Variants in RAP1GAP observed in about 807,000 individuals in gnomAD.
The protein encoded by RAP1GAP is RAP1 GTPase activating protein, also known as rap1 GTPase-activating protein 1.
Under a neutral mutation model 87.2 loss-of-function variants are expected in RAP1GAP, and 35 were observed. That is an observed-to-expected ratio of 0.40 (90% confidence interval 0.31 to 0.53). RAP1GAP has a LOEUF of 0.53. Ranked by LOEUF, RAP1GAP falls within the 20% of genes least tolerant of loss-of-function variation. The pLI is 0.48. For missense variants in RAP1GAP, 734 were observed against 898.9 expected (o/e 0.82, Z 2.35); for synonymous variants, 375 against 363.9 (o/e 1.03, Z -0.35).
At chr1:21,616,368 AC>A (rs2082178236) in intron 7 of RAP1GAP, among the ~76,000 whole-genome samples, 1 of 152,240 alleles carries the variant, frequency 6.6e-6, no homozygotes, top group Admixed American at 6.5e-5. Flanking sequence ...AATTATGAAG[AC>A]ATGAAAACAG....
At chr1:21,656,789 G>C (rs2096885543) in intron 1 of RAP1GAP, among the ~76,000 whole-genome samples, 1 of 152,198 alleles carries the variant, frequency 6.6e-6, no homozygotes, top group Non-Finnish European at 1.5e-5. Flanking sequence ...AATCTGGCCT[G>C]GCCAGAATAC....
Position 21,609,564 on chromosome 1 carries a change from G to A in RAP1GAP, c.1071+11C>T, listed in dbSNP as rs762373049. On this transcript the variant is annotated intron_variant, in intron 15 of 24. Coordinates refer to ENST00000374765, the MANE Select transcript of RAP1GAP (RefSeq NM_002885.4). This position sits in a 1 kb window ranked among gnomAD's most constrained non-coding sequence, Gnocchi z 4.4. ...TCCTGCTCTGCCCATGACTGGGGGG[G>A]TGCCCCTCACCTTCCTGAACACAGC... is the stretch of plus-strand genomic sequence containing the variant. 10 of 1,493,564 alleles carry A rather than the reference G, an allele frequency of 6.7e-6. No individual in the cohort carries two copies. The highest frequency in any genetic ancestry group is 1.4e-5 in the South Asian group (1 of 73,566). 92.5% of individuals were successfully genotyped at this position (1,493,564 alleles called of 1,614,324 possible). A position where few individuals can be genotyped will look rare whatever the true frequency, so the allele number is the denominator to read the frequency against.
chr1:21,626,060 T>C (rs1435362416), intron 3 of RAP1GAP, among the ~76,000 whole-genome samples: 1 of 152,122 alleles, frequency 6.6e-6, no homozygotes, highest in Non-Finnish European at 1.5e-5. Flanking sequence ...TTCCCAGCTG[T>C]TTTGCTTAGA....
At chr1:21,661,954 AC>A (rs2097168862) in intron 1 of RAP1GAP, among the ~76,000 whole-genome samples, 1 of 152,130 alleles carries the variant, frequency 6.6e-6, no homozygotes, top group Non-Finnish European at 1.5e-5. Context: ...AGCTCTGCCC[AC>A]CAGTCTGTCT....
Position 21,634,077 on chromosome 1 carries a change from C to G in RAP1GAP, c.-112-7680G>C, listed in dbSNP as rs2094305057. Among the ~76,000 whole-genome samples the G allele has an allele frequency of 6.8e-6, 1 of 146,182 alleles. No individual in the cohort carries two copies. Among genetic ancestry groups the G allele is most frequent in the African/African-American group, 2.6e-5 (1 of 38,292 alleles). On this transcript the variant is annotated intron_variant, in intron 2 of 24. Transcript: ENST00000374765. This position sits in a 1 kb window ranked among gnomAD's most constrained non-coding sequence, Gnocchi z 4.1. Reference sequence around the variant, plus strand: ...CCCTCCCGGGGGGGGGGGGGGGCCACAGAAGCCCATTGTTTTCTGAGCTCA... The same window carrying G: ...CCCTCCCGGGGGGGGGGGGGGGCCAGAGAAGCCCATTGTTTTCTGAGCTCA...
At chr1:21,611,964 A>T in intron 11 of RAP1GAP, 62 bp downstream of exon 11, 1 of 1,481,758 alleles carries the variant, frequency 6.7e-7, no homozygotes, top group Non-Finnish European at 9.3e-7. Context: ...GCCCTGGAAA[A>T]GGTGTGAGGC....
intron 3 of RAP1GAP, 78 bp from the exon 4 acceptor site, chr1:21,620,128 C>T (rs914601416): frequency 4.2e-5 from 63 of 1,508,960 alleles, no homozygotes; most frequent in Non-Finnish European, 5.4e-5. Flanking sequence ...CCCGGCCCTC[C>T]GGGTCCCACC....
chr1:21,660,537 T>C (rs1389893562), intron 1 of RAP1GAP, among the ~76,000 whole-genome samples: 5 of 151,410 alleles, frequency 3.3e-5, no homozygotes, highest in Non-Finnish European at 2.9e-5. Flanking sequence ...TTTCACCATT[T>C]TGGCCAGGCT....
chr1:21,669,355 T>A lies in RAP1GAP; in HGVS notation c.-250A>T. 2 of 1,060,448 alleles carry A rather than the reference T, an allele frequency of 1.9e-6. No homozygotes were observed. The highest frequency in any genetic ancestry group is 2.3e-6 in the Non-Finnish European group (2 of 874,454). 65.7% of individuals were successfully genotyped at this position (1,060,448 alleles called of 1,614,324 possible). ...CGGCCGGCGCTCGCCGCCGCCGCAG[T>A]TCGGGGAGGGGGACGTCACATGACC... On this transcript the variant is annotated 5_prime_UTR_variant, in exon 1 of 25. Transcript: ENST00000374765. The surrounding 1 kb of genome is among the most constrained non-coding windows in gnomAD (Gnocchi z 5.6).
intron 2 of RAP1GAP, among the ~76,000 whole-genome samples, chr1:21,647,013 ACCT>A (rs2096118396): frequency 6.6e-6 from 1 of 151,856 alleles, no homozygotes; most frequent in Non-Finnish European, 1.5e-5. Context: ...GGGGAAAATC[ACCT>A]CCTCTAGGAA....
chr1:21,620,729 G>A (rs533101817), intron 3 of RAP1GAP, among the ~76,000 whole-genome samples: 2 of 152,266 alleles, frequency 1.3e-5, no homozygotes, highest in East Asian at 3.9e-4. Flanking sequence ...CCGGCTCGGG[G>A]CTGGGCCTGG....
At chr1:21,664,795 G>T (rs529681718) in intron 1 of RAP1GAP, among the ~76,000 whole-genome samples, 1 of 152,034 alleles carries the variant, frequency 6.6e-6, no homozygotes, top group Admixed American at 6.6e-5. Flanking sequence ...TTTTAGAAAA[G>T]ATTTTTCTCC....
Position 21,650,275 on chromosome 1 carries a change from C to T in RAP1GAP, c.-148-479G>A, listed in dbSNP as rs998421337. Among the ~76,000 whole-genome samples the T allele has an allele frequency of 2.0e-5, 3 of 152,272 alleles. No homozygotes were observed. The East Asian group carries it at 5.8e-4, about 29-fold the overall frequency. ...CTGAAGCTGTTCACTCATATCCACC[C>T]AGGAAGCAAATGTCTGCGAATCTGG... On this transcript the variant is annotated intron_variant, in intron 1 of 24. Coordinates refer to ENST00000374765, the MANE Select transcript of RAP1GAP (RefSeq NM_002885.4).
chr1:21,636,888 AGAAG>A (rs1277998073), intron 2 of RAP1GAP, among the ~76,000 whole-genome samples: 15 of 134,478 alleles, frequency 1.1e-4, no homozygotes, highest in African/African-American at 2.5e-4. Context: ...AAGGAAGGAA[AGAAG>A]GAAGGAAGGA....
intron 2 of RAP1GAP, among the ~76,000 whole-genome samples, chr1:21,649,143 T>C (rs960771109): frequency 3.9e-5 from 6 of 152,110 alleles, no homozygotes; most frequent in Non-Finnish European, 8.8e-5. Context: ...TATCCCGAGG[T>C]GAGGCTGCAC....
chr1:21,598,053 A>G lies in RAP1GAP; in HGVS notation c.1891T>C (p.Ser631Pro). The G allele has an allele frequency of 6.5e-7, 1 of 1,549,966 alleles. No homozygotes were observed. The highest frequency in any genetic ancestry group is 1.2e-5 in the South Asian group (1 of 85,076). Residue 631 changes from serine to proline, a missense_variant, in exon 23 of 25, where the codon TCA (serine) becomes CCA (proline). By Grantham distance (74) the Ser-to-Pro change is moderately conservative. Around this residue, in one of 2 missense-constraint regions of RAP1GAP, gnomAD observed 249 missense variants for 252.7 expected, o/e 0.99. Transcript: ENST00000374765. ...SGGSSPGPSR[S>P]PHPDAGKLGD... The stretch of plus-strand genomic sequence containing the variant: ...AACTTGCCGGCGTCTGGGTGGGGTG[A>G]TCGAGAGGGGCCTGGGGAGGGGGGC...
intron 1 of RAP1GAP, among the ~76,000 whole-genome samples, chr1:21,663,753 G>A (rs757007023): frequency 5.3e-5 from 8 of 152,106 alleles, no homozygotes; most frequent in Non-Finnish European, 1.2e-4. Context: ...TGCCCCCACA[G>A]CCTGGCTGCG....
chr1:21,630,399 G>T (rs1320646783), intron 2 of RAP1GAP, among the ~76,000 whole-genome samples: 1 of 151,130 alleles, frequency 6.6e-6, no homozygotes, highest in African/African-American at 2.4e-5. Context: ...CTCCCAAGTT[G>T]CTGGGACTAC....
chr1:21,598,176 T>C, intron 22 of RAP1GAP, 112 bp from the exon 23 acceptor site: 1 of 796,776 alleles, frequency 1.3e-6, no homozygotes, highest in Non-Finnish European at 2.0e-6. Flanking sequence ...CCCTTAACTT[T>C]CTTCCTTGCC....
Sources: allele counts gnomAD v4.1 joint callset (sites outside exome capture counted in the v4.1 genomes callset), GRCh38; gene constraint gnomAD v4.1.1; regional missense constraint gnomAD v4.1.1; non-coding constraint Gnocchi (gnomAD v3.1); transcripts MANE v1.5; gene names NCBI Gene and HGNC (gene_info 2026-07-23, HGNC 2026-07-21).